Variants in CHD7 observed in about 807,000 individuals in gnomAD.
CHD7 encodes the protein ATP-dependent chromatin remodeler CHD7.
CHD7 carries 24 observed loss-of-function variants against 307.3 expected under a neutral mutation model. The ratio of observed to expected loss-of-function variants is 0.08; its 90% CI spans 0.06 to 0.11. The LOEUF (loss-of-function observed/expected upper bound fraction) is 0.11. Ranked by LOEUF, CHD7 falls within the 10% of genes least tolerant of loss-of-function variation. The probability of loss-of-function intolerance (pLI) is 1.00; values close to 1 mark genes in which losing one functional copy is unlikely to be tolerated. For missense variants in CHD7, 3,106 were observed against 3,727.1 expected (o/e 0.83, Z 4.34); for synonymous variants, 1,363 against 1,349.9 (o/e 1.01, Z -0.21).
chr8:60,767,715 C>T (rs1052333684), intron 2 of CHD7, among the ~76,000 whole-genome samples: 7 of 152,220 alleles, frequency 4.6e-5, no homozygotes, highest in African/African-American at 1.7e-4. Context: ...CTGGGACTCA[C>T]TCTGAGTGAC....
At chr8:60,839,009 T>C (rs2150781090) in intron 19 of CHD7, among the ~76,000 whole-genome samples, 1 of 152,364 alleles carries the variant, frequency 6.6e-6, no homozygotes, top group South Asian at 2.1e-4. Flanking sequence ...TGAGCAAATA[T>C]TGCCACAATC....
At chr8:60,722,085 A>T (rs1807936253) in intron 1 of CHD7, among the ~76,000 whole-genome samples, 1 of 152,162 alleles carries the variant, frequency 6.6e-6, no homozygotes, top group African/African-American at 2.4e-5. Context: ...TCTTCACCAG[A>T]TACGGCCTGG....
chr8:60,722,155 C>A (rs1454404950), intron 1 of CHD7, among the ~76,000 whole-genome samples: 1 of 152,132 alleles, frequency 6.6e-6, no homozygotes, highest in Non-Finnish European at 1.5e-5. Flanking sequence ...CTCTGCAATC[C>A]CCACAGCAAC....
intron 3 of CHD7, among the ~76,000 whole-genome samples, chr8:60,786,110 CA>C (rs1391057598): frequency 6.6e-6 from 1 of 152,228 alleles, no homozygotes; most frequent in African/African-American, 2.4e-5. Flanking sequence ...CCTGCTGCCT[CA>C]AAGGCTGTCT....
In CHD7 at chr8:60,854,452, A is replaced by G; in HGVS notation, c.6865A>G (p.Met2289Val). ...ARDETRDGFY[M>V]EDGDPSVAQL... ...AGATGAAACCCGAGATGGATTCTAC[A>G]TGGAGGACGGAGATCCTTCAGTAGC... Residue 2289 changes from methionine to valine, a missense_variant, in exon 32 of 38, where the codon ATG becomes GTG. This residue lies in a region of CHD7 where 1,030 missense variants were observed against 1,165.4 expected (regional missense o/e 0.88). Coordinates refer to ENST00000423902, the MANE Select transcript of CHD7 (RefSeq NM_017780.4). 6.2e-6 allele frequency: 10 copies of G among 1,613,624 alleles called. No homozygotes were observed. The highest frequency in any genetic ancestry group is 1.1e-5 in the South Asian group (1 of 91,038).
At chr8:60,792,519 A>G (rs147000651) in intron 3 of CHD7, among the ~76,000 whole-genome samples, 2 of 152,218 alleles carry the variant, frequency 1.3e-5, no homozygotes, top group African/African-American at 4.8e-5. Flanking sequence ...TTCCATACTC[A>G]GATCTGGGAT....
intron 21 of CHD7, among the ~76,000 whole-genome samples, chr8:60,844,388 G>A (rs1805109044): frequency 6.6e-6 from 1 of 152,202 alleles, no homozygotes; most frequent in Non-Finnish European, 1.5e-5. Context: ...ACCAGTGACT[G>A]TGGCATCCCC....
intron 7 of CHD7, among the ~76,000 whole-genome samples, chr8:60,815,302 C>G (rs1803675055): frequency 6.6e-6 from 1 of 151,880 alleles, no homozygotes; most frequent in African/African-American, 2.4e-5. Flanking sequence ...TTTACTTTTT[C>G]TTGTTTTAAA....
At chr8:60,689,607 G>A (rs937495948) in intron 1 of CHD7, among the ~76,000 whole-genome samples, 1 of 152,158 alleles carries the variant, frequency 6.6e-6, no homozygotes, top group East Asian at 1.9e-4. Context: ...AGAAGGATAG[G>A]AACAACAAAC....
rs1804734683 is a variant in CHD7, at chr8:60,836,179, T to A, written c.3885T>A (p.Ile1295=). ...MIQAAGKLVL[I]DKLLPKLKAG... is the part of the protein sequence containing the mutation. Reference sequence around the variant, plus strand: ...AGGCTGCTGGCAAGCTAGTGCTGATTGACAAGCTGCTGCCAAAACTGAAGG... The same window carrying A: ...AGGCTGCTGGCAAGCTAGTGCTGATAGACAAGCTGCTGCCAAAACTGAAGG... Residue 1295 remains isoleucine (I), a synonymous_variant, in exon 16 of 38, where the codon ATT becomes ATA. Coordinates refer to ENST00000423902, the MANE Select transcript of CHD7 (RefSeq NM_017780.4). 2 of 1,613,844 alleles carry A rather than the reference T, an allele frequency of 1.2e-6. No homozygotes were observed. The highest frequency in any genetic ancestry group is 2.7e-5 in the African/African-American group (2 of 74,952).
At chr8:60,759,880 T>C (rs527863233) in intron 2 of CHD7, among the ~76,000 whole-genome samples, 31 of 152,220 alleles carry the variant, frequency 2.0e-4, no homozygotes, top group Non-Finnish European at 4.1e-4. Flanking sequence ...ATTCATTCAT[T>C]CATCCATCTA....
intron 8 of CHD7, among the ~76,000 whole-genome samples, chr8:60,819,267 G>T (rs542486488): frequency 2.6e-5 from 4 of 151,874 alleles, no homozygotes; most frequent in Non-Finnish European, 5.9e-5. Flanking sequence ...ACTTTTTTTT[G>T]AGTCATATTC....
At chr8:60,725,409 A>T (rs1486529271) in intron 1 of CHD7, among the ~76,000 whole-genome samples, 1 of 152,254 alleles carries the variant, frequency 6.6e-6, no homozygotes, top group Non-Finnish European at 1.5e-5. Flanking sequence ...GACAGATGAT[A>T]GCAGAGAGTT....
chr8:60,747,239 C>CT (rs113186284), intron 2 of CHD7, among the ~76,000 whole-genome samples: 2,409 of 147,452 alleles, frequency 0.016, 46 homozygotes, highest in African/African-American at 0.05. Flanking sequence ...CCACGCCCAG[C>CT]TTTTTTTTTT....
intron 1 of CHD7, among the ~76,000 whole-genome samples, chr8:60,714,633 C>T (rs1157936111): frequency 1.3e-5 from 2 of 152,186 alleles, no homozygotes. Flanking sequence ...CCTTTCTTGG[C>T]CTCAGGTGCT....
intron 2 of CHD7, among the ~76,000 whole-genome samples, chr8:60,768,349 A>G (rs985791317): frequency 5.9e-5 from 9 of 152,162 alleles, no homozygotes; most frequent in African/African-American, 2.2e-4. Context: ...TTGTTTTCCC[A>G]TTTGATTATT....
At chr8:60,704,826 C>T (rs1350419060) in intron 1 of CHD7, among the ~76,000 whole-genome samples, 2 of 152,110 alleles carry the variant, frequency 1.3e-5, no homozygotes, top group Non-Finnish European at 2.9e-5. Context: ...GCCTTTGCAA[C>T]TTAACAAGAG....
At chr8:60,819,877 T>C in intron 8 of CHD7, 130 bp from the exon 9 acceptor site, 1 of 644,116 alleles carries the variant, frequency 1.6e-6, no homozygotes, top group Non-Finnish European at 2.7e-6. Flanking sequence ...TCAATTAATA[T>C]AATAGAATTT....
chr8:60,724,195 C>T (rs1808057787), intron 1 of CHD7, among the ~76,000 whole-genome samples: 1 of 152,182 alleles, frequency 6.6e-6, no homozygotes, highest in Non-Finnish European at 1.5e-5. Context: ...TTTCAGCCAG[C>T]CTGTTTCTGG....
Sources: gnomAD v4.1 joint callset for allele counts (sites outside exome capture counted in the v4.1 genomes callset) on GRCh38, gnomAD v4.1.1 for gene constraint, gnomAD v4.1.1 regional missense constraint, MANE v1.5 for transcripts, NCBI Gene and HGNC (gene_info 2026-07-23, HGNC 2026-07-21) for gene names.